Variants in DPH6 observed in about 807,000 individuals in gnomAD.
DPH6 encodes diphthine--ammonia ligase.
DPH6 carries 33 observed loss-of-function variants against 38.2 expected under a neutral mutation model. The observed-to-expected ratio is 0.86, with a 90% CI of 0.65 to 1.15. The LOEUF is 1.15. Ranked by LOEUF, DPH6 falls within the 50% of genes most tolerant of loss-of-function variation. The pLI, the probability that DPH6 is intolerant of heterozygous loss-of-function variation, is 0.00. For missense variants in DPH6, 325 were observed against 320.0 expected (o/e 1.02, Z -0.12); for synonymous variants, 108 against 103.0 (o/e 1.05, Z -0.30).
At chr15:35,362,339 A>C (rs1015683656) in intron 3 of DPH6, among the ~76,000 whole-genome samples, 1 of 152,102 alleles carries the variant, frequency 6.6e-6, no homozygotes, top group African/African-American at 2.4e-5. Context: ...GGAATCCAAA[A>C]CATGTCAGTT....
At chr15:35,200,911 A>T in the DPH6 span, among the ~76,000 whole-genome samples, 1 of 151,156 alleles carries the variant, frequency 6.6e-6, no homozygotes, top group Non-Finnish European at 1.5e-5. Context: ...ATAATTAAAG[A>T]ACAAAGTTGT....
the DPH6 span, among the ~76,000 whole-genome samples, chr15:35,173,047 T>G: frequency 6.6e-6 from 1 of 152,224 alleles, no homozygotes; most frequent in African/African-American, 2.4e-5. Flanking sequence ...TGCTTCTAAG[T>G]GCTATGATAG....
At chr15:35,357,448 T>A (rs1209601449) in intron 3 of DPH6, among the ~76,000 whole-genome samples, 1 of 152,218 alleles carries the variant, frequency 6.6e-6, no homozygotes, top group Non-Finnish European at 1.5e-5. Context: ...ATTTTTGTTT[T>A]TGCTTTTTAA....
chr15:35,277,902 A>T (rs2051870019), intron 3 of DPH6, among the ~76,000 whole-genome samples: 1 of 152,238 alleles, frequency 6.6e-6, no homozygotes, highest in African/African-American at 2.4e-5. Flanking sequence ...AGAGCCTATC[A>T]TCAGATACAG....
chr15:35,298,234 C>T, intron 3 of DPH6: 1 of 515,928 alleles, frequency 1.9e-6, no homozygotes, highest in South Asian at 1.6e-5. Flanking sequence ...GACTTGTGCT[C>T]TAGTTCTTAA....
intron 3 of DPH6, among the ~76,000 whole-genome samples, chr15:35,467,231 A>T (rs1318816408): frequency 2.6e-5 from 4 of 152,158 alleles, no homozygotes; most frequent in Admixed American, 2.6e-4. Flanking sequence ...TCTATTTTTA[A>T]AACATTTTAT....
Position 35,518,282 on chromosome 15 carries a change from C to A in DPH6, c.312+19992G>T, listed in dbSNP as rs370721716. On this transcript the variant is annotated intron_variant, in intron 3 of 8. Coordinates refer to ENST00000256538, the MANE Select transcript of DPH6 (RefSeq NM_080650.4). The stretch of plus-strand genomic sequence containing the variant: ...GCTTTGAAAGAGAGGGACTCTAGGT[C>A]CCCATCTCCATTTCAACCAAAAAAG... 2.5e-4 allele frequency among the ~76,000 whole-genome samples: 38 copies of A among 152,106 alleles called. No individual in the cohort carries two copies. The South Asian group carries it at 6.0e-3, about 24-fold the overall frequency.
At chr15:35,242,222 A>G (rs1487334517) in intron 3 of DPH6, among the ~76,000 whole-genome samples, 1 of 142,810 alleles carries the variant, frequency 7.0e-6, no homozygotes, top group East Asian at 2.2e-4. Flanking sequence ...ATTCTCGTAA[A>G]AACACACGTG....
intron 3 of DPH6, among the ~76,000 whole-genome samples, chr15:35,341,175 T>C (rs976246880): frequency 6.6e-6 from 1 of 152,218 alleles, no homozygotes; most frequent in Non-Finnish European, 1.5e-5. Flanking sequence ...CTGCTATTGA[T>C]ACTTGTGATT....
At chr15:35,464,127 C>T (rs1378630749) in intron 3 of DPH6, among the ~76,000 whole-genome samples, 2 of 152,108 alleles carry the variant, frequency 1.3e-5, no homozygotes, top group Non-Finnish European at 2.9e-5. Flanking sequence ...AACCCTGTCT[C>T]TACTAAAAAT....
At chr15:35,215,543 C>A (rs1028937234), downstream of DPH6, among the ~76,000 whole-genome samples, 7 of 152,044 alleles carry the variant, frequency 4.6e-5, no homozygotes, top group African/African-American at 1.7e-4. Context: ...ACAACCACAC[C>A]CAGCTAATTA....
chr15:35,372,406 C>T (rs369930451), intron 8 of DPH6: 30 of 375,796 alleles, frequency 8.0e-5, no homozygotes, highest in African/African-American at 5.1e-4. Context: ...GTGAGCTATT[C>T]GGGTAGAGCT....
chr15:35,517,846 G>A (rs1566937823), intron 3 of DPH6, among the ~76,000 whole-genome samples: 1 of 151,950 alleles, frequency 6.6e-6, no homozygotes, highest in Non-Finnish European at 1.5e-5. Flanking sequence ...ACCAATCATT[G>A]TGGTATATAA....
rs2051561223 is a variant in DPH6 at position 35,237,436 on chromosome 15, C to T, written n.201-16854G>A. The T allele has an allele frequency of 1.9e-6, 3 of 1,605,408 alleles. No individual in the cohort carries two copies. In the South Asian group the frequency reaches 3.3e-5, roughly 18 times the overall value. ...CGAATGAAGGCAAACTCGAAGGCCT[C>T]ACAGATGAATCTGAATAACTGGAAT... On this transcript the variant is annotated intron_variant and non_coding_transcript_variant, in intron 3 of 3. Coordinates refer to the DPH6 transcript ENST00000560386.
chr15:35,414,294 T>C (rs2053408805), intron 5 of DPH6, among the ~76,000 whole-genome samples: 1 of 151,802 alleles, frequency 6.6e-6, no homozygotes, highest in Admixed American at 6.6e-5. Context: ...AGTTGCAATA[T>C]ATTACTTTTG....
At chr15:35,413,921 G>T (rs1375190831) in intron 5 of DPH6, among the ~76,000 whole-genome samples, 1 of 151,466 alleles carries the variant, frequency 6.6e-6, no homozygotes, top group Non-Finnish European at 1.5e-5. Flanking sequence ...CTACTTTTCG[G>T]ATAATCATCT....
the DPH6 span, among the ~76,000 whole-genome samples, chr15:35,152,020 A>G: frequency 1.3e-5 from 2 of 152,318 alleles, no homozygotes; most frequent in East Asian, 3.9e-4. Flanking sequence ...TAATTATCTT[A>G]CTTGTTTTTA....
chr15:35,260,264 C>T (rs907794481), intron 3 of DPH6, among the ~76,000 whole-genome samples: 9 of 152,126 alleles, frequency 5.9e-5, no homozygotes, highest in Non-Finnish European at 1.2e-4. Context: ...CCTGCCATCA[C>T]GCCCAGCTAA....
intron 3 of DPH6, among the ~76,000 whole-genome samples, chr15:35,353,196 T>C (rs1022695313): frequency 3.3e-5 from 5 of 152,148 alleles, no homozygotes; most frequent in Admixed American, 3.3e-4. Flanking sequence ...GTCAGATGAG[T>C]AGATTGCAAA....
Sources: gnomAD v4.1 joint callset for allele counts (sites outside exome capture counted in the v4.1 genomes callset) on GRCh38, gnomAD v4.1.1 for gene constraint, MANE v1.5 for transcripts, NCBI Gene and HGNC (gene_info 2026-07-23, HGNC 2026-07-21) for gene names.